MACROD2: variants seen among roughly 807,000 people sequenced by gnomAD.
MACROD2 encodes ADP-ribose glycohydrolase MACROD2.
A neutral mutation model predicts 70.4 loss-of-function variants in MACROD2; 36 were observed. That is an observed-to-expected ratio of 0.51 (90% confidence interval 0.39 to 0.68). The LOEUF (loss-of-function observed/expected upper bound fraction) is 0.68, where lower values mean the gene tolerates loss of function less well. Among genes scored for constraint, MACROD2 ranks in the 30% least tolerant of loss-of-function variants. The pLI is 0.00. For synonymous variants in MACROD2, 172 were observed against 178.8 expected, an observed-to-expected ratio of 0.96 and a Z score of 0.30; for missense variants, 496 against 538.4, an observed-to-expected ratio of 0.92 and a Z score of 0.78.
At chr20:15,522,458 T>C (rs1346001477) in intron 8 of MACROD2, among the ~76,000 whole-genome samples, 1 of 152,178 alleles carries the variant, frequency 6.6e-6, no homozygotes, top group African/African-American at 2.4e-5. Context: ...TTAGTTGCAA[T>C]GGTGTTCTCA....
At chr20:14,232,565 C>A (rs2081826836) in intron 3 of MACROD2, among the ~76,000 whole-genome samples, 1 of 152,236 alleles carries the variant, frequency 6.6e-6, no homozygotes, top group Non-Finnish European at 1.5e-5. Flanking sequence ...CAGGAACCTA[C>A]CTCCGCTAGC....
chr20:15,555,633 G>T (rs1274621524), intron 8 of MACROD2, among the ~76,000 whole-genome samples: 1 of 151,742 alleles, frequency 6.6e-6, no homozygotes, highest in Non-Finnish European at 1.5e-5. Context: ...TCTAAAAAAT[G>T]ACATTAGAAA....
intron 3 of MACROD2, among the ~76,000 whole-genome samples, chr20:14,120,213 C>CAAAAAAAA (rs71190112): frequency 1.2e-4 from 9 of 76,934 alleles, no homozygotes; most frequent in East Asian, 4.3e-4. Context: ...GACTCCGTCT[C>CAAAAAAAA]AAAAAAAAAA....
At chr20:15,143,930 C>T (rs112888070) in intron 5 of MACROD2, among the ~76,000 whole-genome samples, 3 of 132,884 alleles carry the variant, frequency 2.3e-5, no homozygotes, top group East Asian at 2.1e-4. Flanking sequence ...CTAACACTAA[C>T]GATCGCTGAT....
Position 15,673,828 on chromosome 20 carries a change from G to A in MACROD2, c.645+173981G>A, listed in dbSNP as rs190959186. On this transcript the variant is annotated intron_variant, in intron 8 of 17. Coordinates refer to ENST00000684519, the MANE Select transcript of MACROD2 (RefSeq NM_001351661.2). ...GATCTCAAGGAGCTTATAGTCTATC[G>A]CATCCAATAGAAATTTCTGCCCTTA... is the stretch of plus-strand genomic sequence containing the variant. Among the ~76,000 whole-genome samples the A allele has an allele frequency of 2.0e-4, 30 of 150,168 alleles. 1 individual carries two copies. The highest frequency in any genetic ancestry group is 1.1e-3 in the Admixed American group (17 of 15,044).
chr20:15,135,078 T>TA (rs929541895), intron 5 of MACROD2, among the ~76,000 whole-genome samples: 4 of 152,026 alleles, frequency 2.6e-5, no homozygotes, highest in African/African-American at 9.6e-5. Flanking sequence ...ATCAATAACT[T>TA]ACCAACCAAA....
At chr20:15,083,772 G>T (rs2075723384) in intron 5 of MACROD2, among the ~76,000 whole-genome samples, 1 of 152,076 alleles carries the variant, frequency 6.6e-6, no homozygotes, top group African/African-American at 2.4e-5. Context: ...ATCATGGGTG[G>T]CTAGAGGAGA....
chr20:14,690,147 C>CT (rs988626886), intron 5 of MACROD2, among the ~76,000 whole-genome samples: 1 of 151,994 alleles, frequency 6.6e-6, no homozygotes, highest in Admixed American at 6.6e-5. Context: ...GCTCACATGT[C>CT]TATTTTATTT....
intron 5 of MACROD2, among the ~76,000 whole-genome samples, chr20:14,719,875 G>A (rs1245799776): frequency 6.6e-6 from 1 of 152,152 alleles, no homozygotes; most frequent in African/African-American, 2.4e-5. Context: ...CAGAGCATTG[G>A]CCCTTCAGTG....
intron 7 of MACROD2, among the ~76,000 whole-genome samples, chr20:15,484,470 C>T (rs2047140007): frequency 6.6e-6 from 1 of 152,078 alleles, no homozygotes; most frequent in Non-Finnish European, 1.5e-5. Flanking sequence ...TGGAATTAGG[C>T]ATTTCCTTTC....
intron 3 of MACROD2, among the ~76,000 whole-genome samples, chr20:14,332,774 A>G (rs1358833635): frequency 1.3e-5 from 2 of 152,146 alleles, no homozygotes; most frequent in East Asian, 1.9e-4. Context: ...AAACAAATGT[A>G]TCCAACTTTG....
At chr20:14,887,389 A>T (rs1027382053) in intron 5 of MACROD2, among the ~76,000 whole-genome samples, 26 of 97,532 alleles carry the variant, frequency 2.7e-4, no homozygotes, top group Non-Finnish European at 2.9e-4. Context: ...ATATGTGATT[A>T]GCTTTTTTTG....
At chr20:15,642,826 A>T (rs1245066218) in intron 8 of MACROD2, among the ~76,000 whole-genome samples, 1 of 151,992 alleles carries the variant, frequency 6.6e-6, no homozygotes, top group Non-Finnish European at 1.5e-5. Context: ...TTCCTCTCTG[A>T]GCACACTGTA....
chr20:14,630,629 C>G (rs1984455453), intron 4 of MACROD2, among the ~76,000 whole-genome samples: 1 of 152,090 alleles, frequency 6.6e-6, no homozygotes, highest in South Asian at 2.1e-4. Context: ...TTAATTGATT[C>G]TCACCAGCCT....
chr20:15,401,911 C>T (rs2045936187), intron 6 of MACROD2, among the ~76,000 whole-genome samples: 1 of 152,158 alleles, frequency 6.6e-6, no homozygotes, highest in Non-Finnish European at 1.5e-5. Context: ...TTCTACAAGT[C>T]TGAAACTAGC....
intron 5 of MACROD2, among the ~76,000 whole-genome samples, chr20:14,756,921 C>T (rs1568778416): frequency 6.6e-6 from 1 of 152,012 alleles, no homozygotes; most frequent in African/African-American, 2.4e-5. Context: ...TGGCTCTTTT[C>T]TCATTCTTCT....
chr20:14,057,673 C>T (rs1009976719), intron 2 of MACROD2, among the ~76,000 whole-genome samples: 1 of 152,126 alleles, frequency 6.6e-6, no homozygotes, highest in Non-Finnish European at 1.5e-5. Context: ...TATCCAGCAA[C>T]TTCGATAGGA....
intron 3 of MACROD2, among the ~76,000 whole-genome samples, chr20:14,409,147 C>CTTTT (rs11425504): frequency 1.6e-5 from 2 of 127,586 alleles, no homozygotes; most frequent in Admixed American, 8.0e-5. Context: ...TCTGTTTTGG[C>CTTTT]TTTTTTTTTT....
At chr20:15,712,705 T>C (rs1215807696) in intron 8 of MACROD2, among the ~76,000 whole-genome samples, 1 of 152,194 alleles carries the variant, frequency 6.6e-6, no homozygotes, top group Non-Finnish European at 1.5e-5. Context: ...GGCTGAGAGC[T>C]TTATGGTCTC....
Sources: gnomAD v4.1 joint callset for allele counts (sites outside exome capture counted in the v4.1 genomes callset) on GRCh38, gnomAD v4.1.1 for gene constraint, MANE v1.5 for transcripts, NCBI Gene and HGNC (gene_info 2026-07-23, HGNC 2026-07-21) for gene names.